Variants in MCPH1 observed in about 807,000 individuals in gnomAD.
MCPH1 encodes microcephalin 1.
Under a neutral mutation model 84.5 loss-of-function variants are expected in MCPH1, and 104 were observed. That is an observed-to-expected ratio of 1.23 (90% CI 1.05 to 1.45). The LOEUF (loss-of-function observed/expected upper bound fraction) is 1.45. MCPH1 is among the 40% of genes most tolerant of loss of function. The pLI, the probability that MCPH1 is intolerant of heterozygous loss-of-function variation, is 0.00. For synonymous variants in MCPH1, 514 were observed against 366.8 expected (o/e 1.40, Z -4.58); for missense variants, 1,498 against 1,005.7 (o/e 1.49, Z -6.62).
intron 12 of MCPH1, among the ~76,000 whole-genome samples, chr8:6,506,996 C>G (rs1813864927): frequency 6.6e-6 from 1 of 151,776 alleles, no homozygotes. Flanking sequence ...CTCCCCGGTT[C>G]AAGAGATTTT....
At chr8:6,527,050 T>G (rs1290722871) in intron 12 of MCPH1, among the ~76,000 whole-genome samples, 3 of 152,262 alleles carry the variant, frequency 2.0e-5, no homozygotes, top group Non-Finnish European at 4.4e-5. Flanking sequence ...CTATAGACCA[T>G]TCTGCGTTGA....
At chr8:6,624,492 A>ACTCT (rs1336360228) in intron 13 of MCPH1, among the ~76,000 whole-genome samples, 1 of 151,610 alleles carries the variant, frequency 6.6e-6, no homozygotes, top group African/African-American at 2.4e-5. Flanking sequence ...TCCAGCCCAC[A>ACTCT]CTCTCTGAGA....
chr8:6,461,239 C>CA (rs1392275731), intron 9 of MCPH1, among the ~76,000 whole-genome samples: 8 of 148,108 alleles, frequency 5.4e-5, no homozygotes, highest in Non-Finnish European at 1.0e-4. Context: ...TTTTTAATGG[C>CA]AAAAATCACT....
chr8:6,612,348 T>G (rs906427121), intron 12 of MCPH1, among the ~76,000 whole-genome samples: 7 of 152,076 alleles, frequency 4.6e-5, no homozygotes, highest in South Asian at 4.2e-4. Flanking sequence ...CCAGCCCACT[T>G]CCCGGGCGTG....
intron 4 of MCPH1, among the ~76,000 whole-genome samples, chr8:6,433,284 G>C (rs1802106213): frequency 6.6e-6 from 1 of 151,900 alleles, no homozygotes; most frequent in Non-Finnish European, 1.5e-5. Context: ...AAAATTACTG[G>C]GTAAGAATAC....
chr8:6,497,607 T>C (rs186427143), intron 11 of MCPH1, among the ~76,000 whole-genome samples: 14 of 152,294 alleles, frequency 9.2e-5, no homozygotes, highest in Non-Finnish European at 1.2e-4. Flanking sequence ...GGAACTGTAA[T>C]GTAAACTGTG....
rs1586026234 is a variant in MCPH1 at position 6,480,878 on chromosome 8, T to G, written c.2136+2T>G. On this transcript the variant is annotated splice_donor_variant, in intron 11 of 13. Coordinates refer to ENST00000344683, the MANE Select transcript of MCPH1 (RefSeq NM_024596.5). LOFTEE classifies it high-confidence loss of function. ...TGCTGGGTTCTCTCTTATGATTGGG[T>G]AAGCCCTGTGTGTGAACTGCGTATT... is the stretch of plus-strand genomic sequence containing the variant. 1 of 1,613,918 alleles carries G rather than the reference T, an allele frequency of 6.2e-7. No individual in the cohort carries two copies. Among genetic ancestry groups the G allele is most frequent in the Non-Finnish European group, 8.5e-7 (1 of 1,180,022 alleles).
At chr8:6,407,442 G>C (rs1177420660) in intron 1 of MCPH1, among the ~76,000 whole-genome samples, 1 of 152,118 alleles carries the variant, frequency 6.6e-6, no homozygotes, top group African/African-American at 2.4e-5. Flanking sequence ...TTAGACCGGA[G>C]CTGCTGTCCT....
chr8:6,433,834 C>G (rs534804555), intron 4 of MCPH1, among the ~76,000 whole-genome samples: 1 of 152,102 alleles, frequency 6.6e-6, no homozygotes, highest in Admixed American at 6.5e-5. Context: ...AGGCCTTATT[C>G]TTTTGGGTCC....
At chr8:6,532,328 T>C (rs767497416) in intron 12 of MCPH1, 2 of 1,614,180 alleles carry the variant, frequency 1.2e-6, no homozygotes, top group Non-Finnish European at 1.7e-6. Flanking sequence ...GTGGCATTAC[T>C]TACTTGGGCT....
intron 3 of MCPH1, among the ~76,000 whole-genome samples, chr8:6,418,524 A>G (rs1799642875): frequency 6.6e-6 from 1 of 152,086 alleles, no homozygotes; most frequent in Non-Finnish European, 1.5e-5. Context: ...ATGCCAGTCT[A>G]ATTCTTCTTC....
At chr8:6,627,899 A>T (rs1341102191) in intron 13 of MCPH1, among the ~76,000 whole-genome samples, 2 of 148,874 alleles carry the variant, frequency 1.3e-5, no homozygotes, top group Non-Finnish European at 2.9e-5. Flanking sequence ...CTAAAAATAT[A>T]TATGTGTTTA....
At chr8:6,444,206 G>C (rs538346078) in intron 7 of MCPH1, among the ~76,000 whole-genome samples, 187 bp from the exon 8 acceptor site, 66 of 152,264 alleles carry the variant, frequency 4.3e-4, no homozygotes, top group African/African-American at 1.6e-3. Context: ...TCAAAGCCCA[G>C]GTTCTCTAGT....
At chr8:6,627,287 G>A in intron 13 of MCPH1, 3 of 985,492 alleles carry the variant, frequency 3.0e-6, no homozygotes, top group African/African-American at 3.5e-5. Flanking sequence ...ACCAGTCGCA[G>A]AGAGGGGAGG....
rs76978966 is a variant in MCPH1, at chr8:6,600,936, G to A, written c.2215-20518G>A. Among the ~76,000 whole-genome samples, 620 of 152,298 alleles carry A rather than the reference G, an allele frequency of 4.1e-3. 3 individuals carry two copies. The highest frequency in any genetic ancestry group is 0.014 in the Middle Eastern group (4 of 294). ...GGTACTTAACACACTTCCATGCACC[G>A]TTCAGAATCGCTAAACACAGCAGTG... On this transcript the variant is annotated intron_variant, in intron 12 of 13. Transcript: ENST00000344683.
intron 3 of MCPH1, among the ~76,000 whole-genome samples, chr8:6,430,973 C>T (rs930874502): frequency 1.3e-5 from 2 of 152,098 alleles, no homozygotes; most frequent in Non-Finnish European, 2.9e-5. Context: ...GCAGGTGTGT[C>T]CACAGGGCAG....
intron 12 of MCPH1, among the ~76,000 whole-genome samples, chr8:6,550,378 C>T (rs998787064): frequency 1.8e-4 from 27 of 152,212 alleles, no homozygotes; most frequent in Admixed American, 7.8e-4. Context: ...GACTGTAGGG[C>T]TGCACCCAGA....
At chr8:6,452,711 TGTGAA>T (rs1364351344) in intron 8 of MCPH1, among the ~76,000 whole-genome samples, 1 of 152,248 alleles carries the variant, frequency 6.6e-6, no homozygotes, top group African/African-American at 2.4e-5. Flanking sequence ...CTCTCTGCCA[TGTGAA>T]GACAGCAAGA....
At chr8:6,503,796 G>T (rs1405243873) in intron 12 of MCPH1, among the ~76,000 whole-genome samples, 3 of 152,210 alleles carry the variant, frequency 2.0e-5, no homozygotes, top group African/African-American at 7.2e-5. Flanking sequence ...GAGAGTGTGT[G>T]CTCGCTCAGC....
Sources: gnomAD v4.1 joint callset for allele counts (sites outside exome capture counted in the v4.1 genomes callset) on GRCh38, gnomAD v4.1.1 for gene constraint, MANE v1.5 for transcripts, NCBI Gene and HGNC (gene_info 2026-07-23, HGNC 2026-07-21) for gene names.